EIPR1: variants seen among roughly 807,000 people sequenced by gnomAD.
EIPR1 encodes EARP complex and GARP complex interacting protein 1, also known as EARP and GARP complex-interacting protein 1.
Under a neutral mutation model 48.1 loss-of-function variants are expected in EIPR1, and 25 were observed. The observed-to-expected ratio is 0.52, with a 90% CI of 0.38 to 0.73. The LOEUF is 0.73. Ranked by LOEUF, EIPR1 falls within the 30% of genes least tolerant of loss-of-function variation. The pLI, the probability that EIPR1 is intolerant of heterozygous loss-of-function variation, is 0.00. For synonymous variants in EIPR1, 204 were observed against 201.9 expected (o/e 1.01, Z -0.09); for missense variants, 415 against 506.2 (o/e 0.82, Z 1.73).
At chr2:3,333,749 CAAAAAAAAAAAAA>C (rs769152280) in intron 3 of EIPR1, among the ~76,000 whole-genome samples, 1 of 72,398 alleles carries the variant, frequency 1.4e-5, no homozygotes, top group African/African-American at 5.4e-5. Flanking sequence ...ACCCTACCTC[CAAAAAAAAAAAAA>C]AAAAAAATCA....
chr2:3,295,430 TGC>T (rs1491294619), intron 3 of EIPR1, among the ~76,000 whole-genome samples: 24 of 113,982 alleles, frequency 2.1e-4, no homozygotes, highest in African/African-American at 4.8e-4. Flanking sequence ...CCATCCTCTC[TGC>T]ACACACACAC....
At chr2:3,218,256 G>A (rs1249746600) in intron 4 of EIPR1, among the ~76,000 whole-genome samples, 22 of 106,378 alleles carry the variant, frequency 2.1e-4, no homozygotes, top group East Asian at 6.4e-4. Context: ...GCTCTAGAGC[G>A]TTCACAGTGA....
rs59903952 is a variant in EIPR1 at position 3,293,011 on chromosome 2, G to T, written c.260-35556C>A. 6.3e-3 allele frequency among the ~76,000 whole-genome samples: 961 copies of T among 152,292 alleles called. 6 individuals are homozygous for T. The highest frequency in any genetic ancestry group is 0.022 in the African/African-American group (899 of 41,552). On this transcript the variant is annotated intron_variant, in intron 3 of 8. Transcript: ENST00000382125. ...ACCCCGGTCCCATGAAGCCTTTCTG[G>T]GCAGACACTGGCCCAGGCCTGAGCT...
chr2:3,244,700 C>T (rs1391774076), intron 4 of EIPR1, among the ~76,000 whole-genome samples: 4 of 152,162 alleles, frequency 2.6e-5, no homozygotes, highest in South Asian at 2.1e-4. Flanking sequence ...ACTTAGCCAG[C>T]GCCTTGATCG....
intron 4 of EIPR1, among the ~76,000 whole-genome samples, chr2:3,244,270 A>T (rs190687649): frequency 1.1e-3 from 170 of 152,268 alleles, no homozygotes; most frequent in African/African-American, 4.0e-3. Context: ...TTTTTCTTCT[A>T]CTTCTTCTCT....
intron 3 of EIPR1, among the ~76,000 whole-genome samples, chr2:3,273,725 CAAATG>C (rs1667765041): frequency 6.6e-6 from 1 of 152,126 alleles, no homozygotes; most frequent in Non-Finnish European, 1.5e-5. Context: ...TTTCCATAAA[CAAATG>C]AGAATCGTCT....
At chr2:3,226,954 C>T (rs1666083739) in intron 4 of EIPR1, among the ~76,000 whole-genome samples, 1 of 152,222 alleles carries the variant, frequency 6.6e-6, no homozygotes, top group Non-Finnish European at 1.5e-5. Context: ...GTCTCCCCAG[C>T]CCTGTGGAAC....
intron 4 of EIPR1, among the ~76,000 whole-genome samples, chr2:3,240,723 A>C (rs1450504717): frequency 5.3e-4 from 73 of 136,820 alleles, no homozygotes; most frequent in South Asian, 7.4e-4. Flanking sequence ...TCCTAAAGCA[A>C]AGCCAGCAGA....
chr2:3,371,296 A>C (rs1671109484), intron 1 of EIPR1, among the ~76,000 whole-genome samples: 1 of 152,202 alleles, frequency 6.6e-6, no homozygotes. Context: ...CCAAAATGTA[A>C]AGACCATCGA....
At chr2:3,238,153 A>G (rs993125172) in intron 4 of EIPR1, among the ~76,000 whole-genome samples, 5 of 152,238 alleles carry the variant, frequency 3.3e-5, no homozygotes, top group Non-Finnish European at 7.3e-5. Flanking sequence ...TTAAGAAGAA[A>G]AAAACCTCCA....
intron 5 of EIPR1, among the ~76,000 whole-genome samples, chr2:3,199,801 G>T (rs1244733687): frequency 1.7e-5 from 1 of 57,346 alleles, no homozygotes; most frequent in South Asian, 6.4e-4. Flanking sequence ...ATCTGGGCAC[G>T]CATGGGGGGG....
chr2:3,312,318 G>A lies in EIPR1; in HGVS notation c.259+25699C>T, dbSNP rs1669152964. On this transcript the variant is annotated intron_variant, in intron 3 of 8. Transcript: ENST00000382125. This position sits in a 1 kb window ranked among gnomAD's most constrained non-coding sequence, Gnocchi z 5.5. ...CCACAGCTTGGTCAACGGAGGCTAA[G>A]GTTGCACTGCTTTTTAGGCGGCTGT... Among the ~76,000 whole-genome samples the A allele has an allele frequency of 6.6e-6, 1 of 152,170 alleles. No individual in the cohort carries two copies. Among genetic ancestry groups the A allele is most frequent in the Non-Finnish European group, 1.5e-5 (1 of 68,042 alleles).
chr2:3,310,286 T>C (rs1669082994), intron 3 of EIPR1, among the ~76,000 whole-genome samples: 1 of 152,134 alleles, frequency 6.6e-6, no homozygotes, highest in Non-Finnish European at 1.5e-5. Context: ...CTAAGGGTAT[T>C]ATAAAAATCT....
chr2:3,292,558 C>T (rs1668402661), intron 3 of EIPR1, among the ~76,000 whole-genome samples: 1 of 152,206 alleles, frequency 6.6e-6, no homozygotes, highest in African/African-American at 2.4e-5. Flanking sequence ...GCTGCTGTCC[C>T]TCTTTTATGA....
intron 4 of EIPR1, among the ~76,000 whole-genome samples, chr2:3,234,051 C>T (rs1395265779): frequency 6.6e-6 from 1 of 152,282 alleles, no homozygotes; most frequent in South Asian, 2.1e-4. Context: ...CAGGATCCAA[C>T]AGAACTTTAT....
intron 3 of EIPR1, among the ~76,000 whole-genome samples, chr2:3,314,464 T>C (rs1054698609): frequency 6.6e-6 from 1 of 152,180 alleles, no homozygotes; most frequent in African/African-American, 2.4e-5. Flanking sequence ...TTGGTCTTCC[T>C]GAAATTTCAC....
At chr2:3,356,845 A>T (rs1192081048) in intron 1 of EIPR1, among the ~76,000 whole-genome samples, 1 of 152,246 alleles carries the variant, frequency 6.6e-6, no homozygotes, top group Admixed American at 6.5e-5. Flanking sequence ...ACTTCCTAGA[A>T]CTAAACTGAA....
At chr2:3,308,745 G>A (rs1337456672) in intron 3 of EIPR1, among the ~76,000 whole-genome samples, 3 of 152,164 alleles carry the variant, frequency 2.0e-5, no homozygotes, top group Non-Finnish European at 2.9e-5. Context: ...AGACAAGAAC[G>A]AAAATTGAAA....
At chr2:3,350,661 A>G (rs1303061585) in intron 2 of EIPR1, among the ~76,000 whole-genome samples, 1 of 152,210 alleles carries the variant, frequency 6.6e-6, no homozygotes, top group African/African-American at 2.4e-5. Context: ...GAGTGGATGA[A>G]TGAATGAACA....
Sources: gnomAD v4.1 joint callset for allele counts (sites outside exome capture counted in the v4.1 genomes callset) on GRCh38, gnomAD v4.1.1 for gene constraint, Gnocchi (gnomAD v3.1) non-coding constraint, MANE v1.5 for transcripts, NCBI Gene and HGNC (gene_info 2026-07-23, HGNC 2026-07-21) for gene names.